KATNB1: variants seen among roughly 807,000 people sequenced by gnomAD.
The protein encoded by KATNB1 is katanin p80 WD40 repeat-containing subunit B1.
KATNB1 carries 38 observed loss-of-function variants against 82.3 expected under a neutral mutation model. That is an observed-to-expected ratio of 0.46 (90% CI 0.36 to 0.61). The LOEUF (loss-of-function observed/expected upper bound fraction) is 0.61. Ranked by LOEUF, KATNB1 falls within the 20% of genes least tolerant of loss-of-function variation. The pLI is 0.00. For missense variants in KATNB1, 749 were observed against 915.7 expected (o/e 0.82, Z 2.35); for synonymous variants, 361 against 368.7 (o/e 0.98, Z 0.24).
chr16:57,752,414 G>T (rs1298350174), intron 8 of KATNB1, 116 bp from the exon 9 acceptor site: 2 of 908,534 alleles, frequency 2.2e-6, no homozygotes, highest in Admixed American at 2.1e-5. Context: ...CCCAGATGTT[G>T]CTCCTGGTGG....
chr16:57,752,432 C>T (rs2049235884), intron 8 of KATNB1, 98 bp from the exon 9 acceptor site: 1 of 1,138,560 alleles, frequency 8.8e-7, no homozygotes, highest in Admixed American at 2.0e-5. Context: ...TGGCCCTGCC[C>T]TGGGGGAGAG....
chr16:57,753,410 C>A lies in KATNB1; in HGVS notation c.1068C>A (p.Ser356Arg), dbSNP rs200545074. Residue 356 changes from serine to arginine, a missense_variant, in exon 12 of 20, where the codon AGC becomes AGA. By Grantham distance (110) the Ser-to-Arg change is moderately radical. This residue lies in a region of KATNB1 where 407 missense variants were observed against 434.7 expected (regional missense o/e 0.94). Transcript: ENST00000379661. ...CCAGGGTGAAGCAGAACTCAGAGAG[C>A]GAGCGCCGCAGCCCCAGCAGCGAGG... is the stretch of plus-strand genomic sequence containing the variant. ...KPQRVKQNSESERRSPSSEDD... is the reference protein window; with the variant it reads ...KPQRVKQNSERERRSPSSEDD... The A allele has an allele frequency of 6.2e-7, 1 of 1,612,512 alleles. No homozygotes were observed. The highest frequency in any genetic ancestry group is 8.5e-7 in the Non-Finnish European group (1 of 1,179,594).
At position 57,744,309 on chromosome 16, in the gene KATNB1, A is replaced by G. The variant is rs1280270457; in HGVS notation, c.172-85A>G. 5.8e-6 allele frequency: 7 copies of G among 1,206,600 alleles called. No individual in the cohort carries two copies. The African/African-American group carries it at 1.0e-4, about 18-fold the overall frequency. 74.7% of individuals were successfully genotyped at this position (1,206,600 alleles called of 1,614,324 possible). ...TCCTGCCTTAGCCATTTCTTGCTGAAGCCTTTCCGGGGGACTTGGAATTCA... is the reference window on the plus strand; with the variant it reads ...TCCTGCCTTAGCCATTTCTTGCTGAGGCCTTTCCGGGGGACTTGGAATTCA... On this transcript the variant is annotated intron_variant, in intron 3 of 19. Transcript: ENST00000379661.
At chr16:57,737,684 G>A (rs1426082114) in intron 2 of KATNB1, among the ~76,000 whole-genome samples, 5 of 152,130 alleles carry the variant, frequency 3.3e-5, no homozygotes, top group Non-Finnish European at 5.9e-5. Context: ...TCAGATAAAA[G>A]CATCTTGGGC....
chr16:57,756,975 G>A lies in KATNB1; in HGVS notation c.*29G>A. 1 of 1,481,422 alleles carries A rather than the reference G, an allele frequency of 6.8e-7. No individual in the cohort carries two copies. The highest frequency in any genetic ancestry group is 9.0e-7 in the Non-Finnish European group (1 of 1,109,902). 91.8% of individuals were successfully genotyped at this position (1,481,422 alleles called of 1,614,324 possible). A position where few individuals can be genotyped will look rare whatever the true frequency, so the allele number is the denominator to read the frequency against. ...AAGCAGTGGGCAGGGGCGCTCGGCA[G>A]CCCACAGGGCCTGGCCTCAGCCCCC... On this transcript the variant is annotated 3_prime_UTR_variant, in exon 20 of 20. Coordinates refer to ENST00000379661, the MANE Select transcript of KATNB1 (RefSeq NM_005886.3).
intron 4 of KATNB1, among the ~76,000 whole-genome samples, chr16:57,745,229 C>T (rs938064806): frequency 2.6e-5 from 4 of 152,166 alleles, no homozygotes; most frequent in South Asian, 4.1e-4. Flanking sequence ...TAAAAAACAC[C>T]GTGGCCAGGC....
intron 2 of KATNB1, among the ~76,000 whole-genome samples, chr16:57,738,953 G>T (rs192537206): frequency 2.1e-3 from 326 of 151,714 alleles, no homozygotes; most frequent in African/African-American, 7.2e-3. Flanking sequence ...GAATCAGTTA[G>T]CTGGGGGGTA....
rs2049236929 is a variant in KATNB1, at chr16:57,752,553, A to C, written c.656A>C (p.Glu219Ala). ...AGGACAATCCGCTTCTGGGACCTGG[A>C]GAAGTTCCAGGTGGTGAGCTGCATC... ...SDRTIRFWDL[E>A]KFQVVSCIEG... The change falls in exon 9 of 20, where the codon GAG becomes GCG. Residue 219 changes from glutamate to alanine, a missense_variant. Glu to Ala is a moderately radical substitution (Grantham distance 107). Transcript: ENST00000379661. The C allele has an allele frequency of 3.2e-6, 5 of 1,568,942 alleles. No homozygotes were observed. In the East Asian group the frequency reaches 1.2e-4, roughly 36 times the overall value.
chr16:57,739,982 A>G (rs1440816128), intron 2 of KATNB1, among the ~76,000 whole-genome samples: 1 of 152,078 alleles, frequency 6.6e-6, no homozygotes, highest in Admixed American at 6.5e-5. Flanking sequence ...CAGGTAGGCC[A>G]GGGGGAGCGA....
Position 57,737,278 on chromosome 16 carries a change from A to T in KATNB1, c.35A>T (p.Lys12Met). The change falls in exon 2 of 20, where the codon AAG (lysine) becomes ATG (methionine). Residue 12 changes from lysine to methionine, a missense_variant. Coordinates refer to ENST00000379661, the MANE Select transcript of KATNB1 (RefSeq NM_005886.3). Reference protein sequence around the residue: ...ATPVVTKTAWKLQEIVAHASN... With the variant: ...ATPVVTKTAWMLQEIVAHASN... ...CCTGTGGTCACCAAGACAGCCTGGAAGTTGCGTGAGTGGTTTTCATTTTTC... is the reference window on the plus strand; with the variant it reads ...CCTGTGGTCACCAAGACAGCCTGGATGTTGCGTGAGTGGTTTTCATTTTTC... The T allele has an allele frequency of 6.2e-7, 1 of 1,614,174 alleles. No individual in the cohort carries two copies. The highest frequency in any genetic ancestry group is 8.5e-7 in the Non-Finnish European group (1 of 1,180,036).
chr16:57,755,548 T>C, intron 16 of KATNB1, 54 bp downstream of exon 16: 2 of 1,585,210 alleles, frequency 1.3e-6, no homozygotes, highest in South Asian at 1.1e-5. Flanking sequence ...CCCTGCCACC[T>C]GCCTGCCCGG....
At chr16:57,754,100 T>G (rs782171802) in intron 13 of KATNB1, 105 bp downstream of exon 13, 26 of 959,418 alleles carry the variant, frequency 2.7e-5, no homozygotes, top group Non-Finnish European at 4.1e-5. Flanking sequence ...GACCCTCCCC[T>G]CTCAGGACAC....
chr16:57,752,958 CA>C (rs782739453), intron 10 of KATNB1, 30 bp downstream of exon 10: 1 of 1,598,600 alleles, frequency 6.3e-7, no homozygotes. Flanking sequence ...CACCGCCCCC[CA>C]CTCCCACAGG....
intron 4 of KATNB1, among the ~76,000 whole-genome samples, chr16:57,748,731 C>T (rs1007988609): frequency 2.4e-4 from 37 of 152,330 alleles, no homozygotes; most frequent in Middle Eastern, 3.4e-3. Flanking sequence ...GTCCTGCCTG[C>T]TTTCCACAGC....
intron 8 of KATNB1, chr16:57,752,312 T>C: frequency 3.2e-6 from 2 of 626,872 alleles, no homozygotes; most frequent in East Asian, 2.7e-5. Context: ...TGGGACCCCA[T>C]AGGGCAGGGA....
intron 12 of KATNB1, 97 bp from the exon 13 acceptor site, chr16:57,753,848 G>C: frequency 1.7e-6 from 2 of 1,163,964 alleles, no homozygotes; most frequent in South Asian, 2.7e-5. Flanking sequence ...CCGCATGCCT[G>C]GGAGCTACCC....
rs528178709 is a variant in KATNB1 at position 57,746,238 on chromosome 16, G to A, written c.289+1727G>A. Among the ~76,000 whole-genome samples the A allele has an allele frequency of 2.6e-5, 4 of 152,112 alleles. No individual in the cohort carries two copies. The South Asian group carries it at 6.2e-4, about 24-fold the overall frequency. On this transcript the variant is annotated intron_variant, in intron 4 of 19. Transcript: ENST00000379661. ...ATATCGCCCTCAGAATTTGGAAGGTGCAGCTTTTCTGCCTTTTAGGTTCTA... is the reference window on the plus strand; with the variant it reads ...ATATCGCCCTCAGAATTTGGAAGGTACAGCTTTTCTGCCTTTTAGGTTCTA...
chr16:57,756,254 G>C lies in KATNB1; in HGVS notation c.1719-102G>C. 2.6e-6 allele frequency: 3 copies of C among 1,166,930 alleles called. 1 individual carries two copies. The South Asian group carries it at 3.9e-5, about 15-fold the overall frequency. The allele number at this position is 1,166,930 out of a possible 1,614,324, so 72.3% of individuals were successfully genotyped here. ...CGTGTGTGGGTGTATGTGTGGGTGT[G>C]TCTGTGTCTGTTTCTGCCCCTCTCC... On this transcript the variant is annotated intron_variant, in intron 18 of 19. Coordinates refer to ENST00000379661, the MANE Select transcript of KATNB1 (RefSeq NM_005886.3).
At chr16:57,753,885 C>A in intron 12 of KATNB1, 60 bp from the exon 13 acceptor site, 1 of 1,547,588 alleles carries the variant, frequency 6.5e-7, no homozygotes, top group East Asian at 2.3e-5. Context: ...TGGACAGGGC[C>A]CTGGGTCCCA....
Sources: allele counts gnomAD v4.1 joint callset (sites outside exome capture counted in the v4.1 genomes callset), GRCh38; gene constraint gnomAD v4.1.1; regional missense constraint gnomAD v4.1.1; transcripts MANE v1.5; gene names NCBI Gene and HGNC (gene_info 2026-07-23, HGNC 2026-07-21).